The following ITM2B variants were observed in gnomAD, a reference collection of about 807,000 sequenced individuals.
ITM2B encodes the protein integral membrane protein 2B, also known as ABri/ADan amyloid peptide.
In ITM2B, 11 loss-of-function variants were observed where a neutral mutation model predicts 27.8. That is an observed-to-expected ratio of 0.40 (90% CI 0.25 to 0.66). The LOEUF is 0.66. ITM2B is among the 30% of genes least tolerant of loss of function. The pLI is 0.43. For synonymous variants in ITM2B, 114 were observed against 114.3 expected, an observed-to-expected ratio of 1.00 and a Z score of 0.02; for missense variants, 296 against 328.9, an observed-to-expected ratio of 0.90 and a Z score of 0.77.
intron 5 of ITM2B, among the ~76,000 whole-genome samples, chr13:48,259,367 A>C (rs1951809018): frequency 6.6e-6 from 1 of 152,348 alleles, no homozygotes; most frequent in South Asian, 2.1e-4. Context: ...AATCACTGTC[A>C]GGGTAGTTGG....
intron 4 of ITM2B, 56 bp from the exon 5 acceptor site, chr13:48,258,741 G>A: frequency 1.3e-6 from 2 of 1,525,928 alleles, no homozygotes; most frequent in Non-Finnish European, 1.8e-6. Flanking sequence ...TGTTTCTCTA[G>A]TCTACTCAGT....
chr13:48,242,684 C>CA (rs1951706290), intron 1 of ITM2B, among the ~76,000 whole-genome samples: 1 of 152,144 alleles, frequency 6.6e-6, no homozygotes, highest in Admixed American at 6.5e-5. Flanking sequence ...ATTTTGATGG[C>CA]ATTGCTCCAT....
Position 48,262,430 on chromosome 13 carries a change from ATAT to A in ITM2B, c.*1211_*1213del, listed in dbSNP as rs1418135977. 1 of 152,122 alleles carries A rather than the reference ATAT, an allele frequency of 6.6e-6. No homozygotes were observed. Among genetic ancestry groups the A allele is most frequent in the Non-Finnish European group, 1.5e-5 (1 of 68,008 alleles). The allele number at this position is 152,122 out of a possible 1,614,324, so 9.4% of individuals were successfully genotyped here. ...TAGAAACCAATTCTAATTCAAAAGG[ATAT>A]TATTTACTCATGGCTTTTCATTTCA... On this transcript the variant is annotated 3_prime_UTR_variant, in exon 6 of 6. Transcript: ENST00000647800.
chr13:48,247,664 T>G (rs932425386), intron 1 of ITM2B, among the ~76,000 whole-genome samples: 1 of 152,246 alleles, frequency 6.6e-6, no homozygotes, highest in Non-Finnish European at 1.5e-5. Flanking sequence ...GTGACCTAAT[T>G]CTTAACTAAT....
chr13:48,255,909 G>A (rs1951784498), intron 2 of ITM2B, among the ~76,000 whole-genome samples: 1 of 151,994 alleles, frequency 6.6e-6, no homozygotes. Flanking sequence ...TTACTGGATA[G>A]CTAATTATTT....
rs779316985 is a variant in ITM2B at position 48,261,209 on chromosome 13, T to A, written c.786T>A (p.Thr262=). ...TTGAAAACAAATTTGCCGTGGAAAC[T>A]TTAATTTGTTCTTGAACAGTCAAGA... ...RHFENKFAVE[T]LICS Residue 262 remains threonine, a synonymous_variant, in exon 6 of 6, where the codon ACT becomes ACA. Coordinates refer to ENST00000647800, the MANE Select transcript of ITM2B (RefSeq NM_021999.5). 1.9e-6 allele frequency: 3 copies of A among 1,610,194 alleles called. No individual in the cohort carries two copies. In the South Asian group the frequency reaches 3.3e-5, roughly 18 times the overall value.
At chr13:48,239,397 T>C (rs1468768995) in intron 1 of ITM2B, among the ~76,000 whole-genome samples, 1 of 152,224 alleles carries the variant, frequency 6.6e-6, no homozygotes, top group African/African-American at 2.4e-5. Flanking sequence ...CACTTTGGGA[T>C]ACTGAGGCTG....
chr13:48,246,121 C>T (rs1277606578), intron 1 of ITM2B, among the ~76,000 whole-genome samples: 1 of 152,166 alleles, frequency 6.6e-6, no homozygotes, highest in Non-Finnish European at 1.5e-5. Context: ...AATTCCAGTA[C>T]AGAATAATTC....
intron 1 of ITM2B, among the ~76,000 whole-genome samples, chr13:48,239,332 A>G (rs1254785130): frequency 2.0e-5 from 3 of 152,208 alleles, no homozygotes; most frequent in Non-Finnish European, 1.5e-5. Flanking sequence ...ATATGAAACA[A>G]GTAAGAATAT....
At position 48,267,852 on chromosome 13, in the gene ITM2B, A is replaced by G. The variant is rs1184187815; in HGVS notation, c.*6628A>G. ...ACTTTCAGCCTAGGTTTTTCTGTAT[A>G]TCACCCTTTCGGTAGGGCTTGAAGT... On this transcript the variant is annotated 3_prime_UTR_variant, in exon 6 of 6. Transcript: ENST00000647800. The G allele has an allele frequency of 6.6e-6, 1 of 152,330 alleles. No individual in the cohort carries two copies. The highest frequency in any genetic ancestry group is 1.5e-5 in the Non-Finnish European group (1 of 68,032). The allele number at this position is 152,330 out of a possible 1,614,324, so 9.4% of individuals were successfully genotyped here. A position where few individuals can be genotyped will look rare whatever the true frequency, so the allele number is the denominator to read the frequency against.
At chr13:48,257,226 T>A (rs1427082287) in intron 3 of ITM2B, among the ~76,000 whole-genome samples, 1 of 152,240 alleles carries the variant, frequency 6.6e-6, no homozygotes, top group Non-Finnish European at 1.5e-5. Flanking sequence ...ACCTAGGTAT[T>A]TGTGGACTGT....
intron 5 of ITM2B, among the ~76,000 whole-genome samples, chr13:48,260,512 C>G (rs1951815826): frequency 6.8e-6 from 1 of 146,738 alleles, no homozygotes; most frequent in African/African-American, 2.5e-5. Context: ...CTTACCTCCT[C>G]CCTCCCTCCC....
chr13:48,238,583 A>G (rs1390135389), intron 1 of ITM2B, among the ~76,000 whole-genome samples: 2 of 152,234 alleles, frequency 1.3e-5, no homozygotes, highest in Non-Finnish European at 2.9e-5. Flanking sequence ...TTGAACTAAC[A>G]TAAGTACGAC....
At chr13:48,256,033 GTAAT>G in intron 2 of ITM2B, 140 bp from the exon 3 acceptor site, 1 of 682,550 alleles carries the variant, frequency 1.5e-6, no homozygotes. Context: ...TGTTAACTCT[GTAAT>G]TAAACTGTCT....
chr13:48,235,064 T>G (rs1306721805), intron 1 of ITM2B, among the ~76,000 whole-genome samples: 1 of 152,180 alleles, frequency 6.6e-6, no homozygotes, highest in African/African-American at 2.4e-5. Context: ...CAAATATAAC[T>G]GCTCCCATTT....
chr13:48,249,700 T>A lies in ITM2B; in HGVS notation c.118-4108T>A, dbSNP rs371035847. Among the ~76,000 whole-genome samples the A allele has an allele frequency of 5.3e-5, 8 of 152,332 alleles. No homozygotes were observed. The East Asian group carries it at 1.2e-3, about 22-fold the overall frequency. Reference sequence around the variant, plus strand: ...CCTGTATTCCTCAATTAAAAGGGTATGGTGAAGTATTAAAGTTTCACCATT... The same window carrying A: ...CCTGTATTCCTCAATTAAAAGGGTAAGGTGAAGTATTAAAGTTTCACCATT... On this transcript the variant is annotated intron_variant, in intron 1 of 5. Transcript: ENST00000647800.
chr13:48,237,028 CT>C (rs1951672483), intron 1 of ITM2B, among the ~76,000 whole-genome samples: 2 of 152,308 alleles, frequency 1.3e-5, no homozygotes, highest in South Asian at 4.1e-4. Context: ...TGTTTAGACC[CT>C]GGTTCTTTAC....
intron 1 of ITM2B, among the ~76,000 whole-genome samples, chr13:48,241,400 C>T (rs917955076): frequency 2.6e-5 from 4 of 152,064 alleles, no homozygotes; most frequent in African/African-American, 4.8e-5. Context: ...TTAGTAAAGA[C>T]GGGGTTTCAC....
intron 3 of ITM2B, among the ~76,000 whole-genome samples, chr13:48,256,794 G>A (rs1343652131): frequency 6.6e-6 from 1 of 152,116 alleles, no homozygotes; most frequent in African/African-American, 2.4e-5. Context: ...ATGCAGAAAA[G>A]TTGAATACCC....
Sources: gnomAD v4.1 joint callset for allele counts (sites outside exome capture counted in the v4.1 genomes callset) on GRCh38, gnomAD v4.1.1 for gene constraint, MANE v1.5 for transcripts, NCBI Gene and HGNC (gene_info 2026-07-23, HGNC 2026-07-21) for gene names.